Variants in WDR97 observed in about 807,000 individuals in gnomAD.
WDR97 encodes the protein WD repeat-containing protein 97.
A neutral mutation model predicts 65.4 loss-of-function variants in WDR97; 111 were observed. The ratio of observed to expected loss-of-function variants is 1.70; its 90% CI spans 1.45 to 1.99. The LOEUF is 1.99. Among genes scored for constraint, WDR97 ranks in the 30% most tolerant of loss-of-function variants. The pLI, the probability that WDR97 is intolerant of heterozygous loss-of-function variation, is 0.00. For synonymous variants in WDR97, 802 were observed against 397.7 expected, an observed-to-expected ratio of 2.02 and a Z score of -12.10; for missense variants, 1,674 against 865.0, an observed-to-expected ratio of 1.94 and a Z score of -11.73.
rs577727831 is a variant in WDR97, at chr8:144,108,950, G to A, written c.878+6G>A. ...CGCCGGGATTTGCACAAAACGTGAG[G>A]GGGATCCCCCTAGGGAGGGCCAGGC... On this transcript the variant is annotated splice_donor_region_variant and intron_variant, in intron 3 of 23. Transcript: ENST00000323662. The A allele has an allele frequency of 3.7e-5, 26 of 702,904 alleles. No individual in the cohort carries two copies. The highest frequency in any genetic ancestry group is 1.4e-4 in the Admixed American group (7 of 50,004). The allele number at this position is 702,904 out of a possible 1,614,324, so 43.5% of individuals were successfully genotyped here. A position where few individuals can be genotyped will look rare whatever the true frequency, so the allele number is the denominator to read the frequency against.
intron 15 of WDR97, 83 bp downstream of exon 15, chr8:144,112,613 C>A: frequency 2.9e-6 from 2 of 693,076 alleles, no homozygotes; most frequent in Non-Finnish European, 5.3e-6. Context: ...TGCTACAAAT[C>A]TTTGTGTCCA....
rs376344426 is a variant in WDR97, at chr8:144,109,468, G to C, written c.1134G>C (p.Gln378His). 1.0e-5 allele frequency: 7 copies of C among 699,800 alleles called. No homozygotes were observed. Among genetic ancestry groups the C allele is most frequent in the East Asian group, 5.4e-5 (2 of 37,212 alleles). The allele number at this position is 699,800 out of a possible 1,614,324, so 43.3% of individuals were successfully genotyped here. The change falls in exon 5 of 24, where the codon CAG becomes CAC. Residue 378 changes from glutamine (Q) to histidine (H), a missense_variant. Coordinates refer to ENST00000323662, the MANE Select transcript of WDR97 (RefSeq NM_001316309.2). ...AGGTAGCGCTGGGCTTCTGGGGCCA[G>C]GACAAGCTGTCCCGGCGCGTGGGCC... Reference protein sequence around the residue: ...VGEVALGFWGQDKLSRRVGRL... With the variant: ...VGEVALGFWGHDKLSRRVGRL...
chr8:144,116,131 C>CG lies in WDR97; in HGVS notation c.4709dup (p.Ile1572HisfsTer48). 1 of 698,634 alleles carries CG rather than the reference C, an allele frequency of 1.4e-6. No individual in the cohort carries two copies. The allele number at this position is 698,634 out of a possible 1,614,324, so 43.3% of individuals were successfully genotyped here. On this transcript the variant is annotated frameshift_variant, in exon 24 of 24. Transcript: ENST00000323662. LOFTEE classifies it low-confidence loss of function (END_TRUNC). Reference sequence around the variant, plus strand: ...GGCTCTGTGCGGGCCGCACCCTGGACGGCCCCATCCGGACGCTGAAGCTGC... The same window carrying CG: ...GGCTCTGTGCGGGCCGCACCCTGGACGGGCCCCATCCGGACGCTGAAGCTGC...
rs1587622011 is a variant in WDR97 at position 144,108,544 on chromosome 8, C to G, written c.478C>G (p.Leu160Val). ...GGGGCTGGTGACCGTGCTGGGCCCG[C>G]TGGGTGCCGTGGGCCGTTTTGTAGG... is the stretch of plus-strand genomic sequence containing the variant. ...LTGLVTVLGPLGAVGRFVGWG... is the reference protein window; with the variant it reads ...LTGLVTVLGPVGAVGRFVGWG... The change falls in exon 3 of 24, where the codon CTG (leucine) becomes GTG (valine). Residue 160 changes from leucine to valine, a missense_variant. Physicochemically the swap from Leu to Val is conservative, Grantham distance 32. Coordinates refer to ENST00000323662, the MANE Select transcript of WDR97 (RefSeq NM_001316309.2). 5.7e-6 allele frequency: 4 copies of G among 701,020 alleles called. No homozygotes were observed. The East Asian group carries it at 8.1e-5, about 14-fold the overall frequency. The allele number at this position is 701,020 out of a possible 1,614,324, so 43.4% of individuals were successfully genotyped here.
rs2130126697 is a variant in WDR97 at position 144,116,261 on chromosome 8, C to A, written c.4837C>A (p.Pro1613Thr). ...LQPALQRYFL[P>T]ADADPDTYS ...GCCGGCCCTGCAGCGCTACTTTCTG[C>A]CAGCGGACGCGGACCCTGACACCTA... The change falls in exon 24 of 24, where the codon CCA (proline) becomes ACA (threonine). Residue 1613 changes from proline to threonine, a missense_variant. Physicochemically the swap from Pro to Thr is conservative, Grantham distance 38. Coordinates refer to ENST00000323662, the MANE Select transcript of WDR97 (RefSeq NM_001316309.2). The A allele has an allele frequency of 6.0e-6, 4 of 662,030 alleles. No individual in the cohort carries two copies. The highest frequency in any genetic ancestry group is 3.2e-5 in the South Asian group (2 of 62,972). 41.0% of individuals were successfully genotyped at this position (662,030 alleles called of 1,614,324 possible).
intron 21 of WDR97, 94 bp downstream of exon 21, chr8:144,115,005 G>C (rs1276983352): frequency 1.1e-5 from 7 of 613,552 alleles, no homozygotes; most frequent in East Asian, 2.7e-5. Context: ...GAGGCCACAG[G>C]CTCCTTCCTT....
chr8:144,111,607 G>A (rs796511717), intron 11 of WDR97, 25 bp from the exon 12 acceptor site: 2 of 679,078 alleles, frequency 2.9e-6, no homozygotes, highest in South Asian at 3.1e-5. Context: ...AGGAAGAGCA[G>A]GCTGATCCCT....
chr8:144,111,047 G>C (rs780031460), intron 9 of WDR97, 51 bp downstream of exon 9: 3 of 702,380 alleles, frequency 4.3e-6, no homozygotes, highest in Admixed American at 2.0e-5. Context: ...GCTCACCTTG[G>C]GGGGCAGACC....
chr8:144,113,258 T>C (rs1199402543), intron 15 of WDR97, 182 bp from the exon 16 acceptor site: 1 of 610,028 alleles, frequency 1.6e-6, no homozygotes, highest in African/African-American at 1.9e-5. Context: ...CCCTGGTATC[T>C]CAGGGTTCTC....
chr8:144,113,989 T>C lies in WDR97; in HGVS notation c.3421T>C (p.Trp1141Arg), dbSNP rs998999875. ...WELEDQSAVD[W>R]TQEPRRRSCK... ...GCTGCTCCCCTAGAGTGCTGTGGACTGGACCCAGGAGCCCCGGCGGCGCAG... is the reference window on the plus strand; with the variant it reads ...GCTGCTCCCCTAGAGTGCTGTGGACCGGACCCAGGAGCCCCGGCGGCGCAG... The change falls in exon 18 of 24, where the codon TGG (tryptophan) becomes CGG (arginine). Residue 1141 changes from tryptophan to arginine, a missense_variant. Coordinates refer to ENST00000323662, the MANE Select transcript of WDR97 (RefSeq NM_001316309.2). 7.1e-6 allele frequency: 5 copies of C among 702,560 alleles called. No individual in the cohort carries two copies. Among genetic ancestry groups the C allele is most frequent in the South Asian group, 1.5e-5 (1 of 67,560 alleles). 43.5% of individuals were successfully genotyped at this position (702,560 alleles called of 1,614,324 possible). A position where few individuals can be genotyped will look rare whatever the true frequency, so the allele number is the denominator to read the frequency against.
chr8:144,111,771 C>T lies in WDR97; in HGVS notation c.2627C>T (p.Ser876Phe). Residue 876 changes from serine to phenylalanine, a missense_variant, in exon 12 of 24, where the codon TCT becomes TTT. Transcript: ENST00000323662. ...FDNYLRLIYG[S>F]GLLGMQSGRG... The stretch of plus-strand genomic sequence containing the variant: ...AATTACCTCCGTCTGATCTACGGCT[C>T]TGGCCTGCTGGTAGGTGTAGGGCCT... The T allele has an allele frequency of 2.9e-6, 2 of 686,378 alleles. No homozygotes were observed. The highest frequency in any genetic ancestry group is 1.5e-5 in the South Asian group (1 of 65,638). The allele number at this position is 686,378 out of a possible 1,614,324, so 42.5% of individuals were successfully genotyped here.
intron 1 of WDR97, 34 bp downstream of exon 1, chr8:144,107,896 C>T: frequency 2.8e-6 from 2 of 702,810 alleles, no homozygotes; most frequent in African/African-American, 1.7e-5. Flanking sequence ...CCGGGCATCC[C>T]GCTAGGAAGT....
At chr8:144,111,058 C>T (rs1047988786) in intron 9 of WDR97, 43 bp from the exon 10 acceptor site, 1 of 702,518 alleles carries the variant, frequency 1.4e-6, no homozygotes, top group Non-Finnish European at 2.6e-6. Context: ...GGGGCAGACC[C>T]AGGTTCCCCC....
rs1308687629 is a variant in WDR97, at chr8:144,114,137, A to C, written c.3569A>C (p.Lys1190Thr). 2.8e-6 allele frequency: 2 copies of C among 702,782 alleles called. No homozygotes were observed. The highest frequency in any genetic ancestry group is 5.2e-6 in the Non-Finnish European group (2 of 384,934). The allele number at this position is 702,782 out of a possible 1,614,324, so 43.5% of individuals were successfully genotyped here. ...HFFIYQTWFK[K>T]LFPIFSLQAY... ...TTCATCTACCAGACCTGGTTCAAAA[A>C]GTTGTTCCCCATCTTCAGCCTGCAG... The change falls in exon 18 of 24, where the codon AAG (lysine) becomes ACG (threonine). Residue 1190 changes from lysine to threonine, a missense_variant. Physicochemically the swap from Lys to Thr is moderately conservative, Grantham distance 78. Transcript: ENST00000323662.
rs1836671701 is a variant in WDR97 at position 144,116,549 on chromosome 8, A to G, written c.*256A>G. On this transcript the variant is annotated 3_prime_UTR_variant, in exon 24 of 24. Coordinates refer to ENST00000323662, the MANE Select transcript of WDR97 (RefSeq NM_001316309.2). ...AGGGGTGGCCGGCCTAGGGCAGAGGAGACCCATAGCGGGGTACCATCCGCT... is the reference window on the plus strand; with the variant it reads ...AGGGGTGGCCGGCCTAGGGCAGAGGGGACCCATAGCGGGGTACCATCCGCT... 1 of 449,092 alleles carries G rather than the reference A, an allele frequency of 2.2e-6. No individual in the cohort carries two copies. The highest frequency in any genetic ancestry group is 4.5e-5 in the South Asian group (1 of 22,060). The allele number at this position is 449,092 out of a possible 1,614,324, so 27.8% of individuals were successfully genotyped here.
intron 2 of WDR97, 46 bp downstream of exon 2, chr8:144,108,241 G>A (rs1167866065): frequency 2.9e-6 from 2 of 695,692 alleles, no homozygotes; most frequent in African/African-American, 1.8e-5. Context: ...TCCGGATCTG[G>A]GCCTTCCCTT....
In WDR97 at chr8:144,115,758, C is replaced by T. The variant is rs748898036; in HGVS notation, c.4495C>T (p.Arg1499Trp). 4 of 700,668 alleles carry T rather than the reference C, an allele frequency of 5.7e-6. No individual in the cohort carries two copies. Among genetic ancestry groups the T allele is most frequent in the South Asian group, 1.5e-5 (1 of 67,412 alleles). The allele number at this position is 700,668 out of a possible 1,614,324, so 43.4% of individuals were successfully genotyped here. The change falls in exon 22 of 24, where the codon CGG becomes TGG. Residue 1499 changes from arginine (R) to tryptophan (W), a missense_variant. Physicochemically the swap from Arg to Trp is moderately radical, Grantham distance 101 (BLOSUM62 -3). Transcript: ENST00000323662. Reference protein sequence around the residue: ...FFCEQLRAQQRSSLQEKAAHP... With the variant: ...FFCEQLRAQQWSSLQEKAAHP... ...CTGTGAGCAGCTGCGGGCGCAGCAG[C>T]GGAGTTCGCTCCAGGAGAAGGCTGC...
In WDR97 at chr8:144,115,754, G is replaced by T; in HGVS notation, c.4491G>T (p.Gln1497His). ...LNFFCEQLRAQQRSSLQEKAA... is the reference protein window; with the variant it reads ...LNFFCEQLRAHQRSSLQEKAA... ...TCTTCTGTGAGCAGCTGCGGGCGCA[G>T]CAGCGGAGTTCGCTCCAGGAGAAGG... is the stretch of plus-strand genomic sequence containing the variant. Residue 1497 changes from glutamine (Q) to histidine (H), a missense_variant, in exon 22 of 24, where the codon CAG becomes CAT. By Grantham distance (24) the Gln-to-His change is conservative. Coordinates refer to ENST00000323662, the MANE Select transcript of WDR97 (RefSeq NM_001316309.2). 1.4e-6 allele frequency: 1 copy of T among 701,084 alleles called. No homozygotes were observed. Among genetic ancestry groups the T allele is most frequent in the Non-Finnish European group, 2.6e-6 (1 of 384,162 alleles). The allele number at this position is 701,084 out of a possible 1,614,324, so 43.4% of individuals were successfully genotyped here.
In WDR97 at chr8:144,110,930, G is replaced by T; in HGVS notation, c.2238G>T (p.Leu746=). ...AFCSNSGDLV[L]ALGSRLCLVS... ...GCAGCAACAGTGGAGACCTGGTGCT[G>T]GCGCTGGGATCCCGCCTCTGCCTGG... The change falls in exon 9 of 24, where the codon CTG becomes CTT. Residue 746 remains leucine, a synonymous_variant. Transcript: ENST00000323662. 2.8e-6 allele frequency: 2 copies of T among 702,818 alleles called. No individual in the cohort carries two copies. Among genetic ancestry groups the T allele is most frequent in the South Asian group, 3.0e-5 (2 of 67,600 alleles). The allele number at this position is 702,818 out of a possible 1,614,324, so 43.5% of individuals were successfully genotyped here.
Sources: allele counts gnomAD v4.1 joint callset, GRCh38; gene constraint gnomAD v4.1.1; transcripts MANE v1.5; gene names NCBI Gene and HGNC (gene_info 2026-07-23, HGNC 2026-07-21).